LRP1B: variants seen among roughly 807,000 people sequenced by gnomAD.
LRP1B encodes LDL receptor related protein 1B, also known as low-density lipoprotein receptor-related protein 1B.
LRP1B carries 217 observed loss-of-function variants against 556.6 expected under a neutral mutation model. The ratio of observed to expected loss-of-function variants is 0.39; its 90% CI spans 0.35 to 0.44. The LOEUF is 0.44. Among genes scored for constraint, LRP1B ranks in the 20% least tolerant of loss-of-function variants. LRP1B has a pLI of 1.00. For missense variants in LRP1B, 5,053 were observed against 5,620.8 expected, an observed-to-expected ratio of 0.90 and a Z score of 3.23; for synonymous variants, 2,047 against 1,865.8, an observed-to-expected ratio of 1.10 and a Z score of -2.50.
At chr2:140,317,450 T>G (rs1243593908) in intron 82 of LRP1B, among the ~76,000 whole-genome samples, 1 of 152,072 alleles carries the variant, frequency 6.6e-6, no homozygotes, top group Non-Finnish European at 1.5e-5. Context: ...ATTCTTCAGT[T>G]TCTGACCAGG....
intron 20 of LRP1B, among the ~76,000 whole-genome samples, chr2:140,937,950 T>G (rs1573900656): frequency 6.6e-6 from 1 of 151,762 alleles, no homozygotes; most frequent in Non-Finnish European, 1.5e-5. Context: ...CAGAACTACC[T>G]TGATTTTCCA....
chr2:142,108,807 A>G lies in LRP1B; in HGVS notation c.82+21841T>C, dbSNP rs547275201. Among the ~76,000 whole-genome samples the G allele has an allele frequency of 2.0e-5, 3 of 152,192 alleles. No homozygotes were observed. In the South Asian group the frequency reaches 6.2e-4, roughly 31 times the overall value. On this transcript the variant is annotated intron_variant, in intron 1 of 90. Transcript: ENST00000389484. ...GTTTTCTATCACTTACGATTATCTT[A>G]TATAAGACACAACACAAGTAAAAAG... is the stretch of plus-strand genomic sequence containing the variant.
At chr2:140,993,436 T>C (rs748862751) in intron 16 of LRP1B, among the ~76,000 whole-genome samples, 1 of 152,058 alleles carries the variant, frequency 6.6e-6, no homozygotes, top group Non-Finnish European at 1.5e-5. Flanking sequence ...CAGCAGATGA[T>C]AAATAATTAA....
chr2:140,457,933 T>TC (rs1687169031), intron 60 of LRP1B, among the ~76,000 whole-genome samples: 1 of 152,074 alleles, frequency 6.6e-6, no homozygotes, highest in South Asian at 2.1e-4. Context: ...ACAAATACCA[T>TC]CCACCATTTT....
chr2:140,427,207 T>C (rs1034655526), intron 66 of LRP1B, among the ~76,000 whole-genome samples: 2 of 152,280 alleles, frequency 1.3e-5, no homozygotes, highest in Admixed American at 6.5e-5. Flanking sequence ...CCATGTTCCA[T>C]TGGTGTCTGA....
intron 6 of LRP1B, among the ~76,000 whole-genome samples, chr2:141,218,234 C>A (rs1328921188): frequency 6.6e-6 from 1 of 152,100 alleles, no homozygotes; most frequent in Admixed American, 6.6e-5. Context: ...TGAGATTTCT[C>A]AAATAACTAA....
chr2:140,975,189 T>C (rs980461292), intron 18 of LRP1B, among the ~76,000 whole-genome samples: 33 of 152,022 alleles, frequency 2.2e-4, no homozygotes, highest in African/African-American at 8.0e-4. Flanking sequence ...CATCCTGTGG[T>C]GAGAATGAGA....
intron 1 of LRP1B, among the ~76,000 whole-genome samples, chr2:141,894,632 T>TCTAGATCTAGATCTAGATCTAG (rs1558945574): frequency 1.5e-5 from 2 of 132,860 alleles, no homozygotes; most frequent in African/African-American, 5.6e-5. Context: ...CTAAATAGAA[T>TCTAGATCTAGATCTAGATCTAG]ATTTAGATCT....
intron 41 of LRP1B, among the ~76,000 whole-genome samples, chr2:140,649,018 C>CT (rs1253423409): frequency 2.0e-5 from 3 of 152,016 alleles, no homozygotes; most frequent in African/African-American, 7.3e-5. Context: ...GGGGGTAGAA[C>CT]TGATCAGGTT....
chr2:141,162,396 G>C (rs558432341), intron 7 of LRP1B, among the ~76,000 whole-genome samples: 1 of 152,136 alleles, frequency 6.6e-6, no homozygotes, highest in East Asian at 1.9e-4. Flanking sequence ...TTTTAGAACA[G>C]TCCCTGGAGT....
chr2:140,382,439 T>C (rs1020635157), intron 67 of LRP1B, among the ~76,000 whole-genome samples: 5 of 152,170 alleles, frequency 3.3e-5, no homozygotes, highest in Non-Finnish European at 2.9e-5. Context: ...ATTATAGATA[T>C]GTTGAGATTT....
intron 21 of LRP1B, among the ~76,000 whole-genome samples, chr2:140,915,419 T>G (rs1324772747): frequency 6.6e-6 from 1 of 151,608 alleles, no homozygotes; most frequent in Admixed American, 6.6e-5. Context: ...GAAGCCGAGG[T>G]GGGTGAATCA....
At chr2:141,811,379 A>G (rs934996294) in intron 1 of LRP1B, among the ~76,000 whole-genome samples, 4 of 151,974 alleles carry the variant, frequency 2.6e-5, no homozygotes, top group Non-Finnish European at 5.9e-5. Flanking sequence ...TATCAAATAA[A>G]AATTCTAAGT....
At chr2:141,972,548 C>A (rs1340108972) in intron 1 of LRP1B, among the ~76,000 whole-genome samples, 3 of 149,422 alleles carry the variant, frequency 2.0e-5, no homozygotes, top group African/African-American at 7.4e-5. Context: ...AATTAGGCAA[C>A]GATGACTAAC....
intron 2 of LRP1B, among the ~76,000 whole-genome samples, chr2:141,775,660 A>G (rs1379269879): frequency 6.6e-6 from 1 of 152,196 alleles, no homozygotes; most frequent in African/African-American, 2.4e-5. Flanking sequence ...TACTAGCATT[A>G]AAGATAGACA....
intron 7 of LRP1B, among the ~76,000 whole-genome samples, chr2:141,176,535 T>G (rs1232323452): frequency 6.6e-6 from 1 of 152,038 alleles, no homozygotes; most frequent in Non-Finnish European, 1.5e-5. Flanking sequence ...GTAAGTTTCC[T>G]GAGGCCAAGC....
chr2:140,588,526 A>C (rs2105158530), intron 43 of LRP1B, among the ~76,000 whole-genome samples: 1 of 152,376 alleles, frequency 6.6e-6, no homozygotes, highest in South Asian at 2.1e-4. Flanking sequence ...TAAAATAACT[A>C]AAATAACTTT....
chr2:140,725,492 T>G (rs933519229), intron 35 of LRP1B, among the ~76,000 whole-genome samples: 1 of 144,394 alleles, frequency 6.9e-6, no homozygotes, highest in Non-Finnish European at 1.5e-5. Context: ...CTATCTTTAT[T>G]TCAAAAGGTG....
chr2:140,341,940 G>A (rs1681413559), intron 77 of LRP1B, among the ~76,000 whole-genome samples: 1 of 151,296 alleles, frequency 6.6e-6, no homozygotes, highest in African/African-American at 2.4e-5. Context: ...ATGAACTCCA[G>A]GGAGAAGAGA....
Sources: allele counts gnomAD v4.1 joint callset (sites outside exome capture counted in the v4.1 genomes callset), GRCh38; gene constraint gnomAD v4.1.1; transcripts MANE v1.5; gene names NCBI Gene and HGNC (gene_info 2026-07-23, HGNC 2026-07-21).